The following EPB41L2 variants were observed in gnomAD, a reference collection of about 807,000 sequenced individuals.
EPB41L2 encodes erythrocyte membrane protein band 4.1 like 2.
A neutral mutation model predicts 113.0 loss-of-function variants in EPB41L2; 43 were observed. That is an observed-to-expected ratio of 0.38 (90% CI 0.30 to 0.49). The LOEUF (loss-of-function observed/expected upper bound fraction) is 0.49, where lower values mean the gene tolerates loss of function less well. Ranked by LOEUF, EPB41L2 falls within the 20% of genes least tolerant of loss-of-function variation. The pLI, the probability that EPB41L2 is intolerant of heterozygous loss-of-function variation, is 0.95. For synonymous variants in EPB41L2, 442 were observed against 436.7 expected (o/e 1.01, Z -0.15); for missense variants, 1,147 against 1,223.4 (o/e 0.94, Z 0.93).
Position 130,843,352 on chromosome 6 carries a change from T to C in EPB41L2, c.*6-2754A>G, listed in dbSNP as rs190322980. On this transcript the variant is annotated intron_variant, in intron 19 of 19. Transcript: ENST00000337057. ...TAGAATTTGGGACTAAATGATTTATTACATATTCCAACCAAACTGAAAACT... is the reference window on the plus strand; with the variant it reads ...TAGAATTTGGGACTAAATGATTTATCACATATTCCAACCAAACTGAAAACT... 2.5e-3 allele frequency among the ~76,000 whole-genome samples: 378 copies of C among 152,336 alleles called. 3 individuals carry two copies. The highest frequency in any genetic ancestry group is 3.1e-3 in the Admixed American group (47 of 15,300).
At chr6:130,957,677 A>C (rs1050547962) in intron 1 of EPB41L2, among the ~76,000 whole-genome samples, 2 of 148,216 alleles carry the variant, frequency 1.3e-5, no homozygotes, top group Non-Finnish European at 3.0e-5. Flanking sequence ...ACAAACTTGA[A>C]TAAGTCAAAA....
intron 1 of EPB41L2, among the ~76,000 whole-genome samples, chr6:131,044,432 A>G (rs1170285890): frequency 6.6e-6 from 1 of 152,246 alleles, no homozygotes; most frequent in African/African-American, 2.4e-5. Context: ...TTAATTTAAA[A>G]ATTAATTTCT....
rs756282788 is a variant in EPB41L2, at chr6:130,878,279, GA to G, written c.1897-30del. On this transcript the variant is annotated intron_variant, in intron 13 of 19. Coordinates refer to ENST00000337057, the MANE Select transcript of EPB41L2 (RefSeq NM_001431.4). ...GCAATATGTAACGTAACAAAGGGGGGAAAAATCCAAAAGGAAAAAACCCAGT... is the reference window on the plus strand; with the variant it reads ...GCAATATGTAACGTAACAAAGGGGGGAAAATCCAAAAGGAAAAAACCCAGT... 109 of 1,542,490 alleles carry G rather than the reference GA, an allele frequency of 7.1e-5. No homozygotes were observed. In the African/African-American group the frequency reaches 1.4e-3, roughly 20 times the overall value.
chr6:131,009,627 T>C (rs1786435736), intron 1 of EPB41L2, among the ~76,000 whole-genome samples: 2 of 147,606 alleles, frequency 1.4e-5, no homozygotes, highest in Admixed American at 6.8e-5. Flanking sequence ...TATCCTCCAA[T>C]AGGAAAAATC....
At chr6:130,964,112 G>A (rs1323266624) in intron 1 of EPB41L2, among the ~76,000 whole-genome samples, 1 of 151,324 alleles carries the variant, frequency 6.6e-6, no homozygotes, top group East Asian at 1.9e-4. Context: ...ATCTCCGCCT[G>A]CCGGGTTCAA....
At chr6:130,890,258 A>G in intron 11 of EPB41L2, 36 bp downstream of exon 11, 2 of 1,583,900 alleles carry the variant, frequency 1.3e-6, no homozygotes, top group South Asian at 1.2e-5. Context: ...TTAGAGAAAG[A>G]TGAATGAAAA....
Position 130,870,026 on chromosome 6 carries a change from G to T in EPB41L2, c.2144C>A (p.Ser715Ter). ...AATCTCCCCAGGACCACTCCCAGGTGATATCTCTTTACCATTCATTTCTTC... is the reference window on the plus strand; with the variant it reads ...AATCTCCCCAGGACCACTCCCAGGTTATATCTCTTTACCATTCATTTCTTC... The part of the protein sequence containing the change: ...ITEEMNGKEI[S>*]PGSGPGEIRK... Residue 715 changes from serine (S) to a stop codon, truncating the protein, a stop_gained, in exon 15 of 20, where the codon TCA becomes TAA. Coordinates refer to ENST00000337057, the MANE Select transcript of EPB41L2 (RefSeq NM_001431.4). LOFTEE classifies it high-confidence loss of function. The T allele has an allele frequency of 6.2e-7, 1 of 1,613,920 alleles. No individual in the cohort carries two copies. The highest frequency in any genetic ancestry group is 8.5e-7 in the Non-Finnish European group (1 of 1,180,006).
At chr6:131,032,387 T>G (rs1792353294) in intron 1 of EPB41L2, among the ~76,000 whole-genome samples, 1 of 152,084 alleles carries the variant, frequency 6.6e-6, no homozygotes, top group Admixed American at 6.6e-5. Flanking sequence ...AAACCTTCAC[T>G]TTTTTCCCTC....
intron 3 of EPB41L2, among the ~76,000 whole-genome samples, chr6:130,932,674 C>T (rs928170917): frequency 6.6e-6 from 1 of 152,128 alleles, no homozygotes; most frequent in African/African-American, 2.4e-5. Context: ...ACATCTATGG[C>T]ACTTATTCTT....
At position 130,894,547 on chromosome 6, in the gene EPB41L2, CA is replaced by C. The variant is rs897382348; in HGVS notation, c.1390-107del. On this transcript the variant is annotated intron_variant, in intron 9 of 19. Coordinates refer to ENST00000337057, the MANE Select transcript of EPB41L2 (RefSeq NM_001431.4). ...TTCTGTGAGAAGCAATTATTCTTCT[CA>C]AAAAAGGTAAATATTGCATATCTAA... is the stretch of plus-strand genomic sequence containing the variant. 3.9e-4 allele frequency: 381 copies of C among 976,304 alleles called. 1 individual carries two copies. In the African/African-American group the frequency reaches 5.3e-3, roughly 14 times the overall value. 60.5% of individuals were successfully genotyped at this position (976,304 alleles called of 1,614,324 possible).
At chr6:130,886,782 C>T (rs6908833) in intron 11 of EPB41L2, among the ~76,000 whole-genome samples, 72 of 152,080 alleles carry the variant, frequency 4.7e-4, no homozygotes, top group African/African-American at 1.6e-3. Flanking sequence ...TACAGGCACG[C>T]GCCACCACGC....
rs541332361 is a variant in EPB41L2, at chr6:130,942,428, A to T, written c.705+12677T>A. Reference sequence around the variant, plus strand: ...AATTTGTTCAGAAGAACAGGAAGCAATAGAAAAGAAATCAAAGACTAGAAA... The same window carrying T: ...AATTTGTTCAGAAGAACAGGAAGCATTAGAAAAGAAATCAAAGACTAGAAA... On this transcript the variant is annotated intron_variant, in intron 3 of 19. Coordinates refer to ENST00000337057, the MANE Select transcript of EPB41L2 (RefSeq NM_001431.4). Among the ~76,000 whole-genome samples the T allele has an allele frequency of 2.0e-5, 3 of 152,330 alleles. No homozygotes were observed. In the East Asian group the frequency reaches 5.8e-4, roughly 29 times the overall value.
chr6:130,899,405 A>G (rs1367431983), intron 8 of EPB41L2, 86 bp downstream of exon 8: 1 of 1,040,604 alleles, frequency 9.6e-7, no homozygotes, highest in African/African-American at 1.6e-5. Flanking sequence ...TCCCAAAAAT[A>G]AGCTGTGCTA....
At chr6:131,016,613 G>A (rs1562738445) in intron 1 of EPB41L2, among the ~76,000 whole-genome samples, 1 of 151,714 alleles carries the variant, frequency 6.6e-6, no homozygotes, top group African/African-American at 2.4e-5. Flanking sequence ...GAGAAACAAG[G>A]GGGTCAGAAA....
chr6:131,047,677 G>C (rs1333880778), intron 1 of EPB41L2, among the ~76,000 whole-genome samples: 1 of 152,174 alleles, frequency 6.6e-6, no homozygotes, highest in Non-Finnish European at 1.5e-5. Flanking sequence ...GATACTGCCA[G>C]ACAGAACCAT....
intron 4 of EPB41L2, among the ~76,000 whole-genome samples, chr6:130,914,687 A>C (rs1800403947): frequency 6.6e-6 from 1 of 152,222 alleles, no homozygotes; most frequent in Non-Finnish European, 1.5e-5. Flanking sequence ...CCAAACATTA[A>C]GGTATAAGCA....
At chr6:130,872,366 T>C in intron 14 of EPB41L2, 2 of 1,281,012 alleles carry the variant, frequency 1.6e-6, no homozygotes, top group Non-Finnish European at 2.0e-6. Context: ...CAAAGTAAAA[T>C]GCACCTCAAG....
At chr6:131,059,956 A>G (rs747820279) in intron 1 of EPB41L2, among the ~76,000 whole-genome samples, 20 of 152,238 alleles carry the variant, frequency 1.3e-4, no homozygotes, top group Non-Finnish European at 2.4e-4. Context: ...CCAAGTAAAC[A>G]GCACAGATTT....
At chr6:130,972,323 CAAAAAAAAAAAA>C (rs56878009) in intron 1 of EPB41L2, among the ~76,000 whole-genome samples, 5 of 76,640 alleles carry the variant, frequency 6.5e-5, no homozygotes, top group African/African-American at 2.3e-4. Flanking sequence ...GACTCCATCT[CAAAAAAAAAAAA>C]AAAAAAAAAA....
Sources: gnomAD v4.1 joint callset for allele counts (sites outside exome capture counted in the v4.1 genomes callset) on GRCh38, gnomAD v4.1.1 for gene constraint, MANE v1.5 for transcripts, NCBI Gene and HGNC (gene_info 2026-07-23, HGNC 2026-07-21) for gene names.